AXIN2: variants seen among roughly 807,000 people sequenced by gnomAD.
AXIN2 encodes axin 2.
In AXIN2, 21 loss-of-function variants were observed where a neutral mutation model predicts 74.7. The ratio of observed to expected loss-of-function variants is 0.28; its 90% CI spans 0.20 to 0.40. The LOEUF is 0.40. AXIN2 is among the 10% of genes least tolerant of loss of function. The pLI is 1.00. For synonymous variants in AXIN2, 532 were observed against 454.9 expected (o/e 1.17, Z -2.16); for missense variants, 1,144 against 1,111.1 (o/e 1.03, Z -0.42).
chr17:65,538,808 G>A (rs909973470), intron 4 of AXIN2, among the ~76,000 whole-genome samples: 3 of 151,796 alleles, frequency 2.0e-5, no homozygotes, highest in African/African-American at 7.3e-5. Flanking sequence ...GATTGGAAAG[G>A]AGGTGGGAGG....
At chr17:65,556,291 A>G (rs1246073761) in intron 2 of AXIN2, among the ~76,000 whole-genome samples, 2 of 152,186 alleles carry the variant, frequency 1.3e-5, no homozygotes, top group Non-Finnish European at 2.9e-5. Flanking sequence ...ACGGCTCTTA[A>G]GTAGTCTCAG....
At chr17:65,535,851 C>A in intron 8 of AXIN2, 130 bp from the exon 9 acceptor site, 1 of 817,450 alleles carries the variant, frequency 1.2e-6, no homozygotes, top group Non-Finnish European at 2.0e-6. Context: ...TACGGAGACC[C>A]AACCAAGACC....
intron 10 of AXIN2, among the ~76,000 whole-genome samples, chr17:65,533,047 T>C (rs1470233549): frequency 6.6e-6 from 1 of 152,162 alleles, no homozygotes; most frequent in Non-Finnish European, 1.5e-5. Flanking sequence ...GGCAGAGTCA[T>C]CACCTGCTCC....
At position 65,537,843 on chromosome 17, in the gene AXIN2, G is replaced by A. The variant is rs1555578172; in HGVS notation, c.1201-8C>T. The A allele has an allele frequency of 6.5e-7, 1 of 1,542,188 alleles. No homozygotes were observed. The highest frequency in any genetic ancestry group is 8.7e-7 in the Non-Finnish European group (1 of 1,144,610). ...GCCCTCTCTCTCTTCATCCTGAAAG[G>A]GAAGACGTCAGAAGGAGAAGTGACC... On this transcript the variant is annotated splice_region_variant and splice_polypyrimidine_tract_variant and intron_variant, in intron 5 of 10. Transcript: ENST00000307078.
rs538101475 is a variant in AXIN2, at chr17:65,545,680, G to A, written c.956+3840C>T. Reference sequence around the variant, plus strand: ...AAAAAAAAATTAAGCCATTTCTTCCGAGAATGCAGGTTTCAGAGTAACAGG... The same window carrying A: ...AAAAAAAAATTAAGCCATTTCTTCCAAGAATGCAGGTTTCAGAGTAACAGG... On this transcript the variant is annotated intron_variant, in intron 3 of 10. Coordinates refer to ENST00000307078, the MANE Select transcript of AXIN2 (RefSeq NM_004655.4). Among the ~76,000 whole-genome samples, 3 of 152,220 alleles carry A rather than the reference G, an allele frequency of 2.0e-5. No individual in the cohort carries two copies. In the South Asian group the frequency reaches 6.2e-4, roughly 32 times the overall value.
At chr17:65,545,075 T>C (rs1246200324) in intron 3 of AXIN2, among the ~76,000 whole-genome samples, 3 of 152,222 alleles carry the variant, frequency 2.0e-5, no homozygotes. Context: ...CGACATTCCC[T>C]GTGTGAAACA....
chr17:65,535,667 C>A lies in AXIN2; in HGVS notation c.2196G>T (p.Thr732=). 1 of 1,614,184 alleles carries A rather than the reference C, an allele frequency of 6.2e-7. No individual in the cohort carries two copies. Among genetic ancestry groups the A allele is most frequent in the Non-Finnish European group, 8.5e-7 (1 of 1,180,040 alleles). ...TTGGATTGGAGAAGGGTGTGGCTCC[C>A]GTCTGAACAGTGGCCGAATGATTCC... is the stretch of plus-strand genomic sequence containing the variant. ...RDRNHSATVQ[T]GATPFSNPSL... Residue 732 remains threonine (T), a synonymous_variant, in exon 9 of 11, where the codon ACG becomes ACT. Transcript: ENST00000307078.
intron 2 of AXIN2, among the ~76,000 whole-genome samples, chr17:65,555,730 G>A (rs1200811173): frequency 6.6e-6 from 1 of 152,136 alleles, no homozygotes. Context: ...GTGGTGGACC[G>A]GGCTGGAATG....
chr17:65,538,972 T>C (rs1298132045), intron 4 of AXIN2, among the ~76,000 whole-genome samples: 2 of 151,994 alleles, frequency 1.3e-5, no homozygotes, highest in Non-Finnish European at 2.9e-5. Flanking sequence ...CCCTCTCTCT[T>C]TGTACAGAAA....
At chr17:65,560,172 G>A (rs12452513) in intron 1 of AXIN2, 39,127 of 152,222 alleles carry the variant, frequency 0.26, 5,257 homozygotes, top group Middle Eastern at 0.33. Context: ...ACAGAAAGCA[G>A]CAGCCTAGTC....
intron 2 of AXIN2, among the ~76,000 whole-genome samples, chr17:65,551,607 G>A (rs1329373177): frequency 6.6e-6 from 1 of 152,218 alleles, no homozygotes; most frequent in East Asian, 1.9e-4. Context: ...TGGTGTGAGG[G>A]TCTGTCTCAA....
At position 65,528,804 on chromosome 17, in the gene AXIN2, G is replaced by A. The variant is rs992839082; in HGVS notation, c.*1172C>T. 4 of 479,820 alleles carry A rather than the reference G, an allele frequency of 8.3e-6. No individual in the cohort carries two copies. Among genetic ancestry groups the A allele is most frequent in the Admixed American group, 3.4e-5 (1 of 29,262 alleles). The allele number at this position is 479,820 out of a possible 1,614,324, so 29.7% of individuals were successfully genotyped here. On this transcript the variant is annotated 3_prime_UTR_variant, in exon 11 of 11. Coordinates refer to ENST00000307078, the MANE Select transcript of AXIN2 (RefSeq NM_004655.4). ...GAGCCCTCAATATAGGGCGACACAC[G>A]GAGCGGGTGACCGTGCAGGTACAGG...
intron 1 of AXIN2, 105 bp from the exon 2 acceptor site, chr17:65,558,841 A>T: frequency 5.1e-6 from 3 of 593,628 alleles, no homozygotes; most frequent in South Asian, 4.2e-5. Context: ...CAGGCTTTTC[A>T]ACTCCTCAAA....
In AXIN2 at chr17:65,552,001, A is replaced by T. The variant is rs373589417; in HGVS notation, c.816-2341T>A. ...ACTTGGACACTCTGACCCTGTTCTC[A>T]TATCTGTAGAGGGCAAGAAGTCTCA... is the stretch of plus-strand genomic sequence containing the variant. On this transcript the variant is annotated intron_variant, in intron 2 of 10. Transcript: ENST00000307078. 5.3e-5 allele frequency among the ~76,000 whole-genome samples: 8 copies of T among 152,006 alleles called. No individual in the cohort carries two copies. The East Asian group carries it at 1.4e-3, about 26-fold the overall frequency.
In AXIN2 at chr17:65,537,569, G is replaced by A. The variant is rs1199756577; in HGVS notation, c.1467C>T (p.Pro489=). ...GGCAGGCGCCCGGCGAGGCGGCCGCGGGAGGCAGCTTGCCACCGGGCGGGA... is the reference window on the plus strand; with the variant it reads ...GGCAGGCGCCCGGCGAGGCGGCCGCAGGAGGCAGCTTGCCACCGGGCGGGA... ...SLLPPGGKLP[P]AAASPGACPL... The change falls in exon 6 of 11, where the codon CCC becomes CCT. Residue 489 remains proline (P), a synonymous_variant. Transcript: ENST00000307078. 5 of 1,610,236 alleles carry A rather than the reference G, an allele frequency of 3.1e-6. No homozygotes were observed. The highest frequency in any genetic ancestry group is 2.7e-5 in the African/African-American group (2 of 74,848).
intron 4 of AXIN2, among the ~76,000 whole-genome samples, chr17:65,539,125 CAGAG>C (rs954314666): frequency 2.6e-5 from 4 of 152,160 alleles, no homozygotes; most frequent in African/African-American, 9.7e-5. Flanking sequence ...AAGCAGCAAA[CAGAG>C]AGAACCCCTG....
Position 65,537,014 on chromosome 17 carries a change from G to C in AXIN2, c.1762C>G (p.Pro588Ala). The change falls in exon 7 of 11, where the codon CCG (proline) becomes GCG (alanine). Residue 588 changes from proline to alanine, a missense_variant. Physicochemically the swap from Pro to Ala is conservative, Grantham distance 27. This residue lies in a region of AXIN2 where 1,053 missense variants were observed against 973.5 expected (regional missense o/e 1.08). Transcript: ENST00000307078. ...TCCCTGGCGGGCAGGGCCAGGCCCGGCTCCGTGCCTTTCCCATTGCGTTTG... is the reference window on the plus strand; with the variant it reads ...TCCCTGGCGGGCAGGGCCAGGCCCGCCTCCGTGCCTTTCCCATTGCGTTTG... ...LPKRNGKGTE[P>A]GLALPAREGG... 1 of 1,610,996 alleles carries C rather than the reference G, an allele frequency of 6.2e-7. No homozygotes were observed. The highest frequency in any genetic ancestry group is 8.5e-7 in the Non-Finnish European group (1 of 1,179,878).
intron 1 of AXIN2, 41 bp from the exon 2 acceptor site, chr17:65,558,777 G>A (rs529861972): frequency 2.6e-6 from 2 of 771,566 alleles, no homozygotes; most frequent in Non-Finnish European, 2.2e-6. Flanking sequence ...AGAGAGAAAA[G>A]GGTATTGATC....
chr17:65,556,443 C>T lies in AXIN2; in HGVS notation c.815+1363G>A, dbSNP rs73348113. Among the ~76,000 whole-genome samples the T allele has an allele frequency of 8.7e-3, 1,327 of 152,306 alleles. 20 individuals are homozygous for T. Among genetic ancestry groups the T allele is most frequent in the African/African-American group, 0.03 (1,245 of 41,566 alleles). On this transcript the variant is annotated intron_variant, in intron 2 of 10. Transcript: ENST00000307078. The stretch of plus-strand genomic sequence containing the variant: ...GACCCAGGATCTTCCTCCCAGACAA[C>T]TTGACTCCACAAGCATAAAGACACT...
Sources: allele counts gnomAD v4.1 joint callset (sites outside exome capture counted in the v4.1 genomes callset), GRCh38; gene constraint gnomAD v4.1.1; regional missense constraint gnomAD v4.1.1; transcripts MANE v1.5; gene names NCBI Gene and HGNC (gene_info 2026-07-23, HGNC 2026-07-21).